DAB2IP: variants seen among roughly 807,000 people sequenced by gnomAD.
DAB2IP encodes DAB2 interacting protein.
A neutral mutation model predicts 107.2 loss-of-function variants in DAB2IP; 28 were observed. The ratio of observed to expected loss-of-function variants is 0.26; its 90% CI spans 0.19 to 0.36. DAB2IP has a LOEUF of 0.36. Among genes scored for constraint, DAB2IP ranks in the 10% least tolerant of loss-of-function variants. DAB2IP has a pLI of 1.00. For synonymous variants in DAB2IP, 755 were observed against 706.4 expected, an observed-to-expected ratio of 1.07 and a Z score of -1.09; for missense variants, 1,400 against 1,644.7, an observed-to-expected ratio of 0.85 and a Z score of 2.57.
intron 3 of DAB2IP, among the ~76,000 whole-genome samples, chr9:121,754,710 G>T (rs1564202315): frequency 1.3e-5 from 2 of 152,106 alleles, no homozygotes; most frequent in African/African-American, 4.8e-5. Flanking sequence ...CAGACTCCAG[G>T]ATCTGGCTGT....
At chr9:121,756,687 T>C (rs558777007) in intron 3 of DAB2IP, among the ~76,000 whole-genome samples, 74 of 152,374 alleles carry the variant, frequency 4.9e-4, no homozygotes, top group Non-Finnish European at 7.8e-4. Context: ...CGGGCTTTCC[T>C]TGGGTCTCTG....
intron 1 of DAB2IP, among the ~76,000 whole-genome samples, chr9:121,671,837 AT>A (rs1393171816): frequency 6.6e-6 from 1 of 152,108 alleles, no homozygotes; most frequent in African/African-American, 2.4e-5. Flanking sequence ...ATTGGTGGAC[AT>A]TTAGGTTGCT....
At chr9:121,616,873 C>G (rs1283122793) in intron 1 of DAB2IP, among the ~76,000 whole-genome samples, 1 of 152,162 alleles carries the variant, frequency 6.6e-6, no homozygotes, top group Admixed American at 6.5e-5. Flanking sequence ...CTGGGCAGAC[C>G]GAGGTACTGG....
At chr9:121,748,866 AG>A (rs920782358) in intron 3 of DAB2IP, among the ~76,000 whole-genome samples, 5 of 152,112 alleles carry the variant, frequency 3.3e-5, no homozygotes, top group Non-Finnish European at 7.4e-5. Flanking sequence ...ACAGGCTCCC[AG>A]GGGTGAGGGC....
intron 1 of DAB2IP, among the ~76,000 whole-genome samples, chr9:121,625,891 A>G (rs1337137816): frequency 6.6e-6 from 1 of 152,162 alleles, no homozygotes; most frequent in Non-Finnish European, 1.5e-5. Flanking sequence ...GTGGGCCCAC[A>G]TTCCAATAGG....
At chr9:121,574,782 C>G (rs580920) in intron 1 of DAB2IP, 87,986 of 151,974 alleles carry the variant, frequency 0.58, 26,506 homozygotes, top group Middle Eastern at 0.71. Flanking sequence ...CCCAGGGGGG[C>G]CTCGGTTCTG....
intron 1 of DAB2IP, among the ~76,000 whole-genome samples, chr9:121,659,736 G>C (rs1833121617): frequency 6.6e-6 from 1 of 152,158 alleles, no homozygotes; most frequent in Non-Finnish European, 1.5e-5. Flanking sequence ...TGAGCTTGCA[G>C]TGAGCCGAGA....
At chr9:121,688,361 T>C (rs921399648) in intron 2 of DAB2IP, among the ~76,000 whole-genome samples, 10 of 152,160 alleles carry the variant, frequency 6.6e-5, no homozygotes, top group Non-Finnish European at 1.5e-5. Flanking sequence ...ACTTCTCCTG[T>C]GGAATTGCTT....
At chr9:121,629,510 C>T (rs571926860) in intron 1 of DAB2IP, among the ~76,000 whole-genome samples, 6 of 152,242 alleles carry the variant, frequency 3.9e-5, no homozygotes, top group Admixed American at 6.5e-5. Flanking sequence ...GGGCAGGCGC[C>T]GGGCAGACAG....
At chr9:121,694,317 C>T (rs1365364413) in intron 2 of DAB2IP, among the ~76,000 whole-genome samples, 7 of 152,260 alleles carry the variant, frequency 4.6e-5, no homozygotes, top group African/African-American at 1.7e-4. Flanking sequence ...TTCCCCCACC[C>T]GGAAATCCAA....
At chr9:121,670,154 G>A (rs1003395755) in intron 1 of DAB2IP, among the ~76,000 whole-genome samples, 8 of 152,124 alleles carry the variant, frequency 5.3e-5, no homozygotes, top group Non-Finnish European at 1.2e-4. Flanking sequence ...AGAATGCCAC[G>A]TACATGGAAT....
chr9:121,699,232 G>T lies in DAB2IP; in HGVS notation c.229-93G>T. On this transcript the variant is annotated intron_variant, in intron 2 of 15. Transcript: ENST00000408936. The surrounding 1 kb of genome is among the most constrained non-coding windows in gnomAD (Gnocchi z 6.2). ...CCGGCCCGCCCTCGGCCGCGCGGCC[G>T]CCCAGCAAGGGTGCGGGTCCCGCGC... 1.1e-5 allele frequency: 11 copies of T among 1,033,010 alleles called. No homozygotes were observed. The highest frequency in any genetic ancestry group is 1.3e-5 in the Non-Finnish European group (11 of 860,968). 64.0% of individuals were successfully genotyped at this position (1,033,010 alleles called of 1,614,324 possible). A position where few individuals can be genotyped will look rare whatever the true frequency, so the allele number is the denominator to read the frequency against.
intron 1 of DAB2IP, among the ~76,000 whole-genome samples, chr9:121,579,742 T>C (rs1001750971): frequency 1.3e-5 from 2 of 152,244 alleles, no homozygotes; most frequent in African/African-American, 4.8e-5. Flanking sequence ...GCTTCATCTC[T>C]GTGGCCCTGG....
chr9:121,731,747 C>T (rs1448082968), intron 3 of DAB2IP, among the ~76,000 whole-genome samples: 7 of 152,158 alleles, frequency 4.6e-5, no homozygotes, highest in Admixed American at 6.5e-5. Flanking sequence ...GGTTACAGTA[C>T]CTGGCATTAG....
rs1159652614 is a variant in DAB2IP at position 121,772,218 on chromosome 9, G to A, written c.2079-389G>A. On this transcript the variant is annotated intron_variant, in intron 11 of 15. Transcript: ENST00000408936. This position sits in a 1 kb window ranked among gnomAD's most constrained non-coding sequence, Gnocchi z 4.7. ...GAGGGAACCCAGTGACTCTGAAGTTGGGGTTCTCAATGCAGGATCCGTGGA... is the reference window on the plus strand; with the variant it reads ...GAGGGAACCCAGTGACTCTGAAGTTAGGGTTCTCAATGCAGGATCCGTGGA... Among the ~76,000 whole-genome samples, 1 of 152,224 alleles carries A rather than the reference G, an allele frequency of 6.6e-6. No homozygotes were observed. Among genetic ancestry groups the A allele is most frequent in the African/African-American group, 2.4e-5 (1 of 41,460 alleles).
chr9:121,744,700 G>A (rs977504440), intron 3 of DAB2IP, among the ~76,000 whole-genome samples: 1 of 152,198 alleles, frequency 6.6e-6, no homozygotes, highest in South Asian at 2.1e-4. Context: ...AGTTAGAGCC[G>A]AAGTGCCAGG....
Position 121,699,350 on chromosome 9 carries a change from G to T in DAB2IP, c.254G>T (p.Gly85Val). The change falls in exon 3 of 16, where the codon GGC becomes GTC. Residue 85 changes from glycine to valine, a missense_variant. Physicochemically the swap from Gly to Val is moderately radical, Grantham distance 109 (BLOSUM62 -3). This residue lies in a region of DAB2IP where 283 missense variants were observed against 237.0 expected (regional missense o/e 1.19). Coordinates refer to ENST00000408936, the Ensembl canonical transcript of DAB2IP. This position sits in a 1 kb window ranked among gnomAD's most constrained non-coding sequence, Gnocchi z 6.2. ...GGCTTCCTCAGCCGCCGCCTCAAGG[G>T]CTCCATCAAGCGCACCAAGAGCCAG... The T allele has an allele frequency of 6.8e-7, 1 of 1,475,624 alleles. No homozygotes were observed. The highest frequency in any genetic ancestry group is 1.3e-5 in the South Asian group (1 of 78,976). 91.4% of individuals were successfully genotyped at this position (1,475,624 alleles called of 1,614,324 possible).
chr9:121,750,857 T>G (rs1332151717), intron 3 of DAB2IP: 2 of 152,536 alleles, frequency 1.3e-5, no homozygotes, highest in East Asian at 3.8e-4. Context: ...CAGATAAGGC[T>G]AGGCCCCAGG....
intron 3 of DAB2IP, among the ~76,000 whole-genome samples, chr9:121,732,482 A>T (rs141050706): frequency 7.8e-4 from 118 of 152,140 alleles, no homozygotes; most frequent in Middle Eastern, 6.8e-3. Flanking sequence ...AGGTAGCCAG[A>T]TGGGTAGGAG....
Sources: gnomAD v4.1 joint callset for allele counts (sites outside exome capture counted in the v4.1 genomes callset) on GRCh38, gnomAD v4.1.1 for gene constraint, gnomAD v4.1.1 regional missense constraint, Gnocchi (gnomAD v3.1) non-coding constraint, MANE v1.5 for transcripts, NCBI Gene and HGNC (gene_info 2026-07-23, HGNC 2026-07-21) for gene names.